Variants in LRRTM4 observed in about 807,000 individuals in gnomAD.
LRRTM4 encodes the protein leucine rich repeat transmembrane neuronal 4.
In LRRTM4, 25 loss-of-function variants were observed where a neutral mutation model predicts 47.6. That is an observed-to-expected ratio of 0.53 (90% confidence interval 0.38 to 0.73). The LOEUF (loss-of-function observed/expected upper bound fraction) is 0.73, where lower values mean the gene tolerates loss of function less well. LRRTM4 is among the 30% of genes least tolerant of loss of function. The pLI, the probability that LRRTM4 is intolerant of heterozygous loss-of-function variation, is 0.00. For synonymous variants in LRRTM4, 311 were observed against 269.5 expected (o/e 1.15, Z -1.51); for missense variants, 638 against 713.4 (o/e 0.89, Z 1.20).
chr2:77,222,072 A>G (rs1405574263), intron 3 of LRRTM4, among the ~76,000 whole-genome samples: 1 of 152,202 alleles, frequency 6.6e-6, no homozygotes, highest in Non-Finnish European at 1.5e-5. Context: ...CCGCTCAACT[A>G]CATGGAAACA....
At chr2:77,056,860 C>G (rs546753795) in intron 3 of LRRTM4, among the ~76,000 whole-genome samples, 3 of 152,266 alleles carry the variant, frequency 2.0e-5, no homozygotes, top group African/African-American at 7.2e-5. Context: ...CAAGGTAAAA[C>G]TTCTGCAAAA....
At chr2:77,034,568 C>T (rs1420292493) in intron 3 of LRRTM4, among the ~76,000 whole-genome samples, 1 of 151,852 alleles carries the variant, frequency 6.6e-6, no homozygotes, top group Non-Finnish European at 1.5e-5. Context: ...CTGGATTTCT[C>T]ACAGTCTGGA....
At chr2:77,272,259 T>G (rs1021477775) in intron 3 of LRRTM4, among the ~76,000 whole-genome samples, 2 of 152,184 alleles carry the variant, frequency 1.3e-5, no homozygotes, top group Non-Finnish European at 2.9e-5. Flanking sequence ...TTTTAGTGGA[T>G]GGCTCAGGCA....
intron 3 of LRRTM4, among the ~76,000 whole-genome samples, chr2:76,804,245 G>A (rs1195527341): frequency 1.3e-5 from 2 of 152,092 alleles, no homozygotes; most frequent in African/African-American, 4.8e-5. Flanking sequence ...GTAGAAACAG[G>A]CATTCTATTG....
intron 3 of LRRTM4, among the ~76,000 whole-genome samples, chr2:77,139,650 AG>A (rs1672057427): frequency 6.6e-6 from 1 of 152,190 alleles, no homozygotes; most frequent in Non-Finnish European, 1.5e-5. Context: ...GGAGAAATAA[AG>A]GGTATAAAAT....
At chr2:77,336,189 A>C (rs1006680119) in intron 3 of LRRTM4, among the ~76,000 whole-genome samples, 7 of 142,070 alleles carry the variant, frequency 4.9e-5, no homozygotes, top group Admixed American at 6.8e-5. Flanking sequence ...GGAAGAAAGG[A>C]AAGAAGGAAG....
chr2:77,350,332 C>CAAAAAAAAAAAAAAAAAA (rs61365229), intron 3 of LRRTM4, among the ~76,000 whole-genome samples: 1 of 39,182 alleles, frequency 2.6e-5, no homozygotes, highest in Non-Finnish European at 4.5e-5. Flanking sequence ...GACTCCGTCT[C>CAAAAAAAAAAAAAAAAAA]AAAAAAAAAA....
chr2:77,204,129 G>A (rs1674055768), intron 3 of LRRTM4, among the ~76,000 whole-genome samples: 1 of 152,104 alleles, frequency 6.6e-6, no homozygotes, highest in Non-Finnish European at 1.5e-5. Flanking sequence ...ACCAAAGATT[G>A]CATCTCCCAA....
chr2:76,819,711 G>A (rs971997581), intron 3 of LRRTM4, among the ~76,000 whole-genome samples: 19 of 151,884 alleles, frequency 1.3e-4, no homozygotes, highest in African/African-American at 4.1e-4. Context: ...CAGCCTACCA[G>A]TGCAATCAGA....
chr2:76,793,660 T>C (rs1475854775), intron 3 of LRRTM4, among the ~76,000 whole-genome samples: 3 of 152,064 alleles, frequency 2.0e-5, no homozygotes, highest in African/African-American at 4.8e-5. Flanking sequence ...ACACAGGATA[T>C]GGTAGATGAA....
chr2:76,965,516 G>C (rs1016301163), intron 3 of LRRTM4, among the ~76,000 whole-genome samples: 2 of 151,076 alleles, frequency 1.3e-5, no homozygotes, highest in Admixed American at 6.6e-5. Flanking sequence ...TTTAACTTTG[G>C]ATGATGTAAC....
At chr2:77,165,756 A>T (rs763398420) in intron 3 of LRRTM4, among the ~76,000 whole-genome samples, 1 of 152,236 alleles carries the variant, frequency 6.6e-6, no homozygotes, top group Non-Finnish European at 1.5e-5. Context: ...ACAAAATTCA[A>T]CAGCCCTTCG....
chr2:77,061,903 T>C (rs188655185), intron 3 of LRRTM4, among the ~76,000 whole-genome samples: 250 of 152,108 alleles, frequency 1.6e-3, no homozygotes, highest in Middle Eastern at 6.8e-3. Flanking sequence ...ATCTACATAG[T>C]ATTTAATAGT....
At position 76,748,904 on chromosome 2, in the gene LRRTM4, TGTG is replaced by T; in HGVS notation, c.1561_1563del (p.His521del). Reference sequence around the variant, plus strand: ...TAGCTGTAATATGGCAAGGGCTTCATGTGGTGTGGCATCTGGATATGAGAAATA... The same window carrying T: ...TAGCTGTAATATGGCAAGGGCTTCATGTGTGGCATCTGGATATGAGAAATA... On this transcript the variant is annotated inframe_deletion, in exon 4 of 4. Transcript: ENST00000409884. 1.2e-6 allele frequency: 2 copies of T among 1,613,918 alleles called. No homozygotes were observed. The highest frequency in any genetic ancestry group is 1.7e-6 in the Non-Finnish European group (2 of 1,179,832).
At chr2:77,228,979 A>G (rs1051840257) in intron 3 of LRRTM4, among the ~76,000 whole-genome samples, 2 of 151,978 alleles carry the variant, frequency 1.3e-5, no homozygotes, top group Non-Finnish European at 2.9e-5. Flanking sequence ...ATCACAAACT[A>G]TCCAGAAAAA....
intron 3 of LRRTM4, among the ~76,000 whole-genome samples, chr2:76,875,774 T>C (rs949906362): frequency 3.9e-5 from 6 of 152,180 alleles, no homozygotes; most frequent in African/African-American, 1.4e-4. Context: ...TTTCCACCCA[T>C]GGTTTGCCAG....
At chr2:76,992,284 A>G (rs1677036323) in intron 3 of LRRTM4, among the ~76,000 whole-genome samples, 2 of 151,896 alleles carry the variant, frequency 1.3e-5, no homozygotes, top group East Asian at 3.9e-4. Flanking sequence ...AGTGCTAGCC[A>G]AAGCAACCAG....
chr2:77,416,946 G>C (rs1218824368), intron 3 of LRRTM4, among the ~76,000 whole-genome samples: 2 of 152,036 alleles, frequency 1.3e-5, no homozygotes, highest in Non-Finnish European at 2.9e-5. Flanking sequence ...TACCATCAGA[G>C]AGAACAGGCA....
chr2:77,072,800 C>CA (rs373786120), intron 3 of LRRTM4, among the ~76,000 whole-genome samples: 16,913 of 77,412 alleles, frequency 0.22, 1,639 homozygotes, highest in East Asian at 0.28. Flanking sequence ...CTCCGTCTTC[C>CA]AAAAAAAAAA....
Sources: allele counts gnomAD v4.1 joint callset (sites outside exome capture counted in the v4.1 genomes callset), GRCh38; gene constraint gnomAD v4.1.1; transcripts MANE v1.5; gene names NCBI Gene and HGNC (gene_info 2026-07-23, HGNC 2026-07-21).